Variants in IRF1 observed in about 807,000 individuals in gnomAD.
IRF1 encodes interferon regulatory factor-1.
IRF1 carries 13 observed loss-of-function variants against 43.7 expected under a neutral mutation model. That is an observed-to-expected ratio of 0.30 (90% CI 0.19 to 0.47). The LOEUF is 0.47. IRF1 is among the 20% of genes least tolerant of loss of function. The pLI, the probability that IRF1 is intolerant of heterozygous loss-of-function variation, is 0.99. For synonymous variants in IRF1, 138 were observed against 146.8 expected, an observed-to-expected ratio of 0.94 and a Z score of 0.43; for missense variants, 236 against 408.9, an observed-to-expected ratio of 0.58 and a Z score of 3.65.
intron 9 of IRF1, 59 bp downstream of exon 9, chr5:132,484,303 T>C: frequency 4.4e-6 from 7 of 1,595,484 alleles, no homozygotes; most frequent in South Asian, 2.2e-5. Context: ...CCAAGCTTTC[T>C]CCATCCCTAC....
chr5:132,489,876 G>C (rs928966524), intron 1 of IRF1: 2 of 206,750 alleles, frequency 9.7e-6, no homozygotes, highest in Non-Finnish European at 2.1e-5. Context: ...CCCTTGACTT[G>C]AGTTGTAACC....
In IRF1 at chr5:132,483,106, A is replaced by C. The variant is rs887705615; in HGVS notation, c.*845T>G. The C allele has an allele frequency of 6.7e-5, 10 of 149,326 alleles. No individual in the cohort carries two copies. The highest frequency in any genetic ancestry group is 2.5e-4 in the African/African-American group (10 of 40,800). 9.3% of individuals were successfully genotyped at this position (149,326 alleles called of 1,614,324 possible). A position where few individuals can be genotyped will look rare whatever the true frequency, so the allele number is the denominator to read the frequency against. On this transcript the variant is annotated 3_prime_UTR_variant, in exon 10 of 10. Transcript: ENST00000245414. Reference sequence around the variant, plus strand: ...CCTTATAAACAATTTACTTTTTATAAAAAGACAAATGTACATATTTACACA... The same window carrying C: ...CCTTATAAACAATTTACTTTTTATACAAAGACAAATGTACATATTTACACA...
chr5:132,487,081 G>A lies in IRF1; in HGVS notation c.237C>T (p.Ala79=). The A allele has an allele frequency of 6.2e-7, 1 of 1,614,158 alleles. No individual in the cohort carries two copies. The highest frequency in any genetic ancestry group is 1.3e-5 in the African/African-American group (1 of 75,020). Residue 79 remains alanine, a synonymous_variant, in exon 4 of 10, where the codon GCC becomes GCT. Coordinates refer to ENST00000245414, the MANE Select transcript of IRF1 (RefSeq NM_002198.3). ...GGGAGTTCATGGCACAGCGAAAGTT[G>A]GCCTTCCACGTCTTGGGATCTGGCT... is the stretch of plus-strand genomic sequence containing the variant. ...EKEPDPKTWK[A]NFRCAMNSLP... is the part of the protein sequence containing the mutation.
At chr5:132,485,297 A>T in intron 8 of IRF1, 1 of 214,660 alleles carries the variant, frequency 4.7e-6, no homozygotes, top group Admixed American at 5.2e-5. Context: ...AGCCATCATC[A>T]TATTAACGGA....
intron 3 of IRF1, chr5:132,487,709 C>T: frequency 1.8e-6 from 1 of 568,504 alleles, no homozygotes; most frequent in South Asian, 2.1e-5. Context: ...CCTGAAGCCA[C>T]ACACTTTCTA....
In IRF1 at chr5:132,486,546, G is replaced by T. The variant is rs778338415; in HGVS notation, c.544+11C>A. The T allele has an allele frequency of 1.2e-6, 2 of 1,613,892 alleles. No homozygotes were observed. Among genetic ancestry groups the T allele is most frequent in the Admixed American group, 1.7e-5 (1 of 59,990 alleles). On this transcript the variant is annotated intron_variant, in intron 6 of 9. Transcript: ENST00000245414. ...CCTGTGGGGTCTCCTGCCAGACCTG[G>T]ACCAGCTCACCTGGAGTCAGGGCCT...
chr5:132,487,831 A>G, intron 3 of IRF1, 95 bp downstream of exon 3: 2 of 771,778 alleles, frequency 2.6e-6, no homozygotes. Context: ...TGTCTCAGGG[A>G]GCTCAGGGAC....
At chr5:132,486,084 T>C in intron 7 of IRF1, 167 bp downstream of exon 7, 1 of 907,018 alleles carries the variant, frequency 1.1e-6, no homozygotes, top group Non-Finnish European at 1.7e-6. Flanking sequence ...TGAACTGCCT[T>C]CCTAGTGTCC....
rs565931795 is a variant in IRF1, at chr5:132,483,727, T to C, written c.*224A>G. The C allele has an allele frequency of 1.5e-4, 81 of 523,182 alleles. No individual in the cohort carries two copies. The highest frequency in any genetic ancestry group is 1.4e-3 in the South Asian group (61 of 42,860). 32.4% of individuals were successfully genotyped at this position (523,182 alleles called of 1,614,324 possible). On this transcript the variant is annotated 3_prime_UTR_variant, in exon 10 of 10. Transcript: ENST00000245414. Reference sequence around the variant, plus strand: ...GATACACTGGTCTCAGAACCTCATCTTCCCAGGAGGCAGGGCCAGCTTTAC... The same window carrying C: ...GATACACTGGTCTCAGAACCTCATCCTCCCAGGAGGCAGGGCCAGCTTTAC...
intron 2 of IRF1, 197 bp from the exon 3 acceptor site, chr5:132,488,222 C>T: frequency 3.5e-6 from 2 of 566,934 alleles, no homozygotes; most frequent in Non-Finnish European, 3.2e-6. Flanking sequence ...TCAGGAGGGA[C>T]ACCTAGTTTG....
chr5:132,486,896 G>C (rs1754544914), intron 4 of IRF1, 52 bp from the exon 5 acceptor site: 2 of 1,613,864 alleles, frequency 1.2e-6, no homozygotes, highest in Admixed American at 3.3e-5. Context: ...AGCCCCAGCT[G>C]ACCTCCTTCT....
chr5:132,487,498 T>C (rs1297270563), intron 3 of IRF1: 3 of 342,214 alleles, frequency 8.8e-6, no homozygotes, highest in Non-Finnish European at 1.7e-5. Flanking sequence ...AGTTACTAAA[T>C]GGGTGGGCTG....
At chr5:132,487,694 A>G (rs1754572650) in intron 3 of IRF1, 1 of 545,890 alleles carries the variant, frequency 1.8e-6, no homozygotes, top group African/African-American at 1.9e-5. Flanking sequence ...TCTAGCCACA[A>G]ACCCCCTGAA....
intron 2 of IRF1, chr5:132,488,842 C>T (rs1421408507): frequency 6.4e-6 from 1 of 155,540 alleles, no homozygotes; most frequent in Non-Finnish European, 1.4e-5. Flanking sequence ...AAATAACATA[C>T]TTAGCAGGTG....
chr5:132,488,216 G>A (rs1011347120), intron 2 of IRF1, 191 bp from the exon 3 acceptor site: 1 of 573,282 alleles, frequency 1.7e-6, no homozygotes, highest in South Asian at 2.0e-5. Flanking sequence ...GATCTCTCAG[G>A]AGGGACACCT....
intron 7 of IRF1, 105 bp downstream of exon 7, chr5:132,486,146 A>G (rs761217716): frequency 2.0e-6 from 3 of 1,480,480 alleles, no homozygotes; most frequent in Non-Finnish European, 2.8e-6. Flanking sequence ...GCCCAACTCA[A>G]TCAATTCAGT....
chr5:132,487,547 A>G, intron 3 of IRF1: 3 of 346,490 alleles, frequency 8.7e-6, no homozygotes, highest in Middle Eastern at 8.8e-4. Context: ...TCTCTCAAGG[A>G]TAAAGGAGGC....
Position 132,490,638 on chromosome 5 carries a change from G to C in IRF1, c.-99C>G, listed in dbSNP as rs1754695801. The C allele has an allele frequency of 1.3e-5, 2 of 152,332 alleles. No individual in the cohort carries two copies. The highest frequency in any genetic ancestry group is 2.9e-5 in the Non-Finnish European group (2 of 68,106). The allele number at this position is 152,332 out of a possible 1,614,324, so 9.4% of individuals were successfully genotyped here. ...GCGCGGAGCGCGACTCCGAGTGGAAGAGGGAAGAAGGCAGAGGTTGCCGGG... is the reference window on the plus strand; with the variant it reads ...GCGCGGAGCGCGACTCCGAGTGGAACAGGGAAGAAGGCAGAGGTTGCCGGG... On this transcript the variant is annotated 5_prime_UTR_variant, in exon 1 of 10. Coordinates refer to ENST00000245414, the MANE Select transcript of IRF1 (RefSeq NM_002198.3). The surrounding 1 kb of genome is among the most constrained non-coding windows in gnomAD (Gnocchi z 5.8).
At position 132,485,981 on chromosome 5, in the gene IRF1, G is replaced by T. The variant is rs551823418; in HGVS notation, c.668-265C>A. 6.3e-4 allele frequency: 376 copies of T among 599,512 alleles called. 5 individuals carry two copies. In the South Asian group the frequency reaches 7.2e-3, roughly 11 times the overall value. The allele number at this position is 599,512 out of a possible 1,614,324, so 37.1% of individuals were successfully genotyped here. A position where few individuals can be genotyped will look rare whatever the true frequency, so the allele number is the denominator to read the frequency against. ...TTCCTTCCTCACCCTCAGATGCTGGGCTACAGAGGAGGAAGGAGAACCAGC... is the reference window on the plus strand; with the variant it reads ...TTCCTTCCTCACCCTCAGATGCTGGTCTACAGAGGAGGAAGGAGAACCAGC... On this transcript the variant is annotated intron_variant, in intron 7 of 9. Transcript: ENST00000245414.
Sources: gnomAD v4.1 joint callset for allele counts on GRCh38, gnomAD v4.1.1 for gene constraint, Gnocchi (gnomAD v3.1) non-coding constraint, MANE v1.5 for transcripts, NCBI Gene and HGNC (gene_info 2026-07-23, HGNC 2026-07-21) for gene names.